The following WDR90 variants were observed in gnomAD, a reference collection of about 807,000 sequenced individuals.
The protein encoded by WDR90 is WD repeat domain 90.
WDR90 carries 238 observed loss-of-function variants against 195.2 expected under a neutral mutation model. The ratio of observed to expected loss-of-function variants is 1.22; its 90% CI spans 1.10 to 1.36. The LOEUF is 1.36. WDR90 is among the 40% of genes most tolerant of loss of function. The probability of loss-of-function intolerance (pLI) is 0.00; values close to 1 mark genes in which losing one functional copy is unlikely to be tolerated. For missense variants in WDR90, 2,734 were observed against 2,439.5 expected, an observed-to-expected ratio of 1.12 and a Z score of -2.54; for synonymous variants, 1,265 against 1,052.4, an observed-to-expected ratio of 1.20 and a Z score of -3.91.
At chr16:665,294 G>A (rs567614713) in intron 34 of WDR90, 4 of 425,094 alleles carry the variant, frequency 9.4e-6, no homozygotes, top group African/African-American at 4.9e-5. Flanking sequence ...AGGGACGCAC[G>A]GCCACACTCC....
intron 28 of WDR90, 49 bp from the exon 29 acceptor site, chr16:660,990 GCCCCTCCCCGCC>G (rs1464045978): frequency 9.2e-5 from 2 of 21,768 alleles, no homozygotes; most frequent in African/African-American, 1.4e-3. Context: ...CCCTCCCCAG[GCCCCTCCCCGCC>G]CCCCCCCCCC....
chr16:651,577 G>A, intron 7 of WDR90, 67 bp from the exon 8 acceptor site: 1 of 1,506,946 alleles, frequency 6.6e-7, no homozygotes, highest in Non-Finnish European at 9.1e-7. Flanking sequence ...CCCTCCCCAG[G>A]CGTCACCCTC....
chr16:657,054 G>A (rs191040687), intron 19 of WDR90, 37 bp from the exon 20 acceptor site: 9 of 1,590,860 alleles, frequency 5.7e-6, no homozygotes, highest in Middle Eastern at 1.8e-4. Context: ...CCTGGGCTTC[G>A]GGGCTAGGGC....
intron 13 of WDR90, 101 bp from the exon 14 acceptor site, chr16:654,928 T>G: frequency 5.3e-6 from 6 of 1,124,474 alleles, no homozygotes; most frequent in Non-Finnish European, 6.6e-6. Flanking sequence ...GGTCTCCGCA[T>G]GAGAGAAAAG....
rs898116823 is a variant in WDR90 at position 657,199 on chromosome 16, G to A, written c.2451G>A (p.Gln817=). The change falls in exon 20 of 41, where the codon CAG becomes CAA. Residue 817 remains glutamine (Q), a synonymous_variant. Coordinates refer to ENST00000293879, the MANE Select transcript of WDR90 (RefSeq NM_145294.5). The part of the protein sequence containing the change: ...SLAQYSCADP[Q]WHVLRVAADM... ...CCCAGTACAGCTGTGCGGACCCCCAGTGGCATGTCCTCCGAGTGGCAGGTT... is the reference window on the plus strand; with the variant it reads ...CCCAGTACAGCTGTGCGGACCCCCAATGGCATGTCCTCCGAGTGGCAGGTT... The A allele has an allele frequency of 6.4e-6, 10 of 1,553,622 alleles. No homozygotes were observed. The Admixed American group carries it at 9.6e-5, about 15-fold the overall frequency.
chr16:652,920 A>T (rs919058607), intron 10 of WDR90, among the ~76,000 whole-genome samples: 2 of 152,160 alleles, frequency 1.3e-5, no homozygotes, highest in African/African-American at 4.8e-5. Flanking sequence ...GCCTTCTAGG[A>T]GAGGAGCCCC....
In WDR90 at chr16:651,951, C is replaced by T; in HGVS notation, c.965C>T (p.Ala322Val). The T allele has an allele frequency of 6.2e-7, 1 of 1,608,394 alleles. No individual in the cohort carries two copies. The highest frequency in any genetic ancestry group is 2.2e-5 in the East Asian group (1 of 44,624). ...HSLEPWAQLE[A>V]SDIHTAAAGT... The stretch of plus-strand genomic sequence containing the variant: ...CTTGAGCCCTGGGCCCAGCTGGAGG[C>T]CTCTGACATCCACACGGCTGCTGCC... Residue 322 changes from alanine (A) to valine (V), a missense_variant, in exon 9 of 41, where the codon GCC becomes GTC. Transcript: ENST00000293879.
At position 662,967 on chromosome 16, in the gene WDR90, G is replaced by A. The variant is rs755040090; in HGVS notation, c.4311+123G>A. 13 of 1,426,678 alleles carry A rather than the reference G, an allele frequency of 9.1e-6. No individual in the cohort carries two copies. The East Asian group carries it at 1.7e-4, about 19-fold the overall frequency. The allele number at this position is 1,426,678 out of a possible 1,614,324, so 88.4% of individuals were successfully genotyped here. ...CTGCCGTCACTGGCTCGCAGCGGCCGCCTTGGGGTTCCCAGCGGGGAAGTC... is the reference window on the plus strand; with the variant it reads ...CTGCCGTCACTGGCTCGCAGCGGCCACCTTGGGGTTCCCAGCGGGGAAGTC... On this transcript the variant is annotated intron_variant, in intron 34 of 40. Coordinates refer to ENST00000293879, the MANE Select transcript of WDR90 (RefSeq NM_145294.5).
At chr16:660,211 C>A (rs185003760) in intron 27 of WDR90, 50 bp downstream of exon 27, 132 of 1,427,744 alleles carry the variant, frequency 9.2e-5, no homozygotes, top group Non-Finnish European at 1.1e-4. Flanking sequence ...AGCACAGAGG[C>A]CCCCCGCAGG....
At chr16:656,206 G>A in intron 17 of WDR90, 96 bp from the exon 18 acceptor site, 1 of 1,151,512 alleles carries the variant, frequency 8.7e-7, no homozygotes, top group Non-Finnish European at 1.2e-6. Context: ...TTGAGCAGCA[G>A]GGAGTGCATT....
chr16:660,990 G>GCC (rs1357713857), intron 28 of WDR90, 61 bp from the exon 29 acceptor site: 136 of 21,694 alleles, frequency 6.3e-3, no homozygotes, highest in South Asian at 0.021. Context: ...CCCTCCCCAG[G>GCC]CCCCTCCCCG....
In WDR90 at chr16:655,001, G is replaced by A. The variant is rs376813095; in HGVS notation, c.1438-28G>A. 4.9e-5 allele frequency: 78 copies of A among 1,606,086 alleles called. No individual in the cohort carries two copies. The African/African-American group carries it at 6.2e-4, about 13-fold the overall frequency. ...CGAGGTGGCCCCGACTGGCCCTGCC[G>A]TGCGGGCTCAGCCTGGGCTTGTTGC... On this transcript the variant is annotated intron_variant, in intron 13 of 40. Coordinates refer to ENST00000293879, the MANE Select transcript of WDR90 (RefSeq NM_145294.5).
chr16:658,785 CTG>C, intron 23 of WDR90, 109 bp from the exon 24 acceptor site: 2 of 1,556,706 alleles, frequency 1.3e-6, no homozygotes, highest in Admixed American at 1.8e-5. Flanking sequence ...CAAGGATCCT[CTG>C]TGCCTCCGGG....
At chr16:665,636 GC>G (rs1488633624) in intron 34 of WDR90, 42 bp from the exon 35 acceptor site, 2 of 1,611,850 alleles carry the variant, frequency 1.2e-6, no homozygotes, top group Non-Finnish European at 1.7e-6. Context: ...CCTTTACCCT[GC>G]CCAGGGGCCA....
At chr16:665,848 G>C (rs1276125055) in intron 35 of WDR90, 47 bp downstream of exon 35, 2 of 1,552,062 alleles carry the variant, frequency 1.3e-6, no homozygotes, top group South Asian at 2.4e-5. Context: ...GGCCTGCTCA[G>C]TGGGGGGCCT....
chr16:655,749 G>T, intron 16 of WDR90, 24 bp from the exon 17 acceptor site: 1 of 1,582,258 alleles, frequency 6.3e-7, no homozygotes, highest in South Asian at 1.1e-5. Context: ...GGACACCGAG[G>T]CACTGACGCC....
chr16:667,408 C>G, intron 40 of WDR90, 24 bp from the exon 41 acceptor site: 8 of 1,576,124 alleles, frequency 5.1e-6, no homozygotes, highest in Non-Finnish European at 6.9e-6. Flanking sequence ...CTGGCCCTGG[C>G]CCACCTGCAC....
rs200893522 is a variant in WDR90 at position 661,405 on chromosome 16, G to A, written c.3577G>A (p.Val1193Met). Residue 1193 changes from valine (V) to methionine (M), a missense_variant, in exon 30 of 41, where the codon GTG (valine) becomes ATG (methionine). Physicochemically the swap from Val to Met is conservative, Grantham distance 21. Coordinates refer to ENST00000293879, the MANE Select transcript of WDR90 (RefSeq NM_145294.5). ...CCATTGTCAGATCCGCGTCTGGGAC[G>A]TGTCTGGCGGCCTCTGCCAGCATCT... The part of the protein sequence containing the change: ...TAHCQIRVWD[V>M]SGGLCQHLIF... 1.7e-5 allele frequency: 28 copies of A among 1,611,928 alleles called. No individual in the cohort carries two copies. Among genetic ancestry groups the A allele is most frequent in the South Asian group, 1.1e-5 (1 of 91,044 alleles).
rs549180948 is a variant in WDR90, at chr16:654,130, G to A, written c.1437+327G>A. 78 of 398,294 alleles carry A rather than the reference G, an allele frequency of 2.0e-4. No homozygotes were observed. In the South Asian group the frequency reaches 4.1e-3, roughly 21 times the overall value. 24.7% of individuals were successfully genotyped at this position (398,294 alleles called of 1,614,324 possible). On this transcript the variant is annotated intron_variant, in intron 13 of 40. Coordinates refer to ENST00000293879, the MANE Select transcript of WDR90 (RefSeq NM_145294.5). ...GGCAGAGCCCCTGCAGCTGACCCAC[G>A]CTTGGGCATCAATGGCACCTCCACA...
Sources: allele counts gnomAD v4.1 joint callset (sites outside exome capture counted in the v4.1 genomes callset), GRCh38; gene constraint gnomAD v4.1.1; transcripts MANE v1.5; gene names NCBI Gene and HGNC (gene_info 2026-07-23, HGNC 2026-07-21).